CPS1: variants seen among roughly 807,000 people sequenced by gnomAD.
CPS1 encodes carbamoyl-phosphate synthase [ammonia], mitochondrial.
CPS1 carries 109 observed loss-of-function variants against 174.6 expected under a neutral mutation model. That is an observed-to-expected ratio of 0.62 (90% CI 0.53 to 0.73). The LOEUF is 0.73. Among genes scored for constraint, CPS1 ranks in the 30% least tolerant of loss-of-function variants. The pLI is 0.00. For missense variants in CPS1, 1,689 were observed against 1,821.9 expected (o/e 0.93, Z 1.33); for synonymous variants, 637 against 632.0 (o/e 1.01, Z -0.12).
intron 34 of CPS1, chr2:210,672,469 T>G (rs924639258): frequency 6.6e-6 from 1 of 152,166 alleles, no homozygotes; most frequent in African/African-American, 2.4e-5. Flanking sequence ...GGAAGTTCAT[T>G]TTGGACATTT....
chr2:210,613,246 T>C (rs547454823), intron 20 of CPS1, among the ~76,000 whole-genome samples: 3 of 152,112 alleles, frequency 2.0e-5, no homozygotes, highest in African/African-American at 7.2e-5. Flanking sequence ...GCAACTTTTA[T>C]GTCCATATTT....
chr2:210,544,974 T>G (rs1696524314), intron 1 of CPS1, among the ~76,000 whole-genome samples: 1 of 152,010 alleles, frequency 6.6e-6, no homozygotes, highest in Admixed American at 6.6e-5. Context: ...TATTACAGTA[T>G]GACCTGTCTC....
At position 210,645,203 on chromosome 2, in the gene CPS1, C is replaced by T. The variant is rs1203488573; in HGVS notation, c.3141+2538C>T. 2.0e-5 allele frequency among the ~76,000 whole-genome samples: 3 copies of T among 152,200 alleles called. No individual in the cohort carries two copies. The East Asian group carries it at 5.8e-4, about 29-fold the overall frequency. Reference sequence around the variant, plus strand: ...CTTTTGCCCTGTGGGAAAACCTGCACGACACCATCACACTGTTACTCTAAA... The same window carrying T: ...CTTTTGCCCTGTGGGAAAACCTGCATGACACCATCACACTGTTACTCTAAA... On this transcript the variant is annotated intron_variant, in intron 25 of 37. Transcript: ENST00000233072.
chr2:210,608,278 T>A, intron 18 of CPS1, 83 bp from the exon 19 acceptor site: 2 of 1,345,542 alleles, frequency 1.5e-6, no homozygotes, highest in African/African-American at 1.4e-5. Flanking sequence ...ATACCAGAAA[T>A]TTTAAGAAAG....
rs150963809 is a variant in CPS1, at chr2:210,563,040, T to C, written c.126+6181T>C. Among the ~76,000 whole-genome samples, 27 of 152,290 alleles carry C rather than the reference T, an allele frequency of 1.8e-4. No homozygotes were observed. In the East Asian group the frequency reaches 5.2e-3, roughly 29 times the overall value. On this transcript the variant is annotated intron_variant, in intron 1 of 37. Transcript: ENST00000233072. ...GTTAAAACAAGGACACATGGATGCC[T>C]GTTTTTGTACGTAAAACAAAATATA...
chr2:210,644,388 A>G (rs1020615759), intron 25 of CPS1, among the ~76,000 whole-genome samples: 4 of 152,140 alleles, frequency 2.6e-5, no homozygotes, highest in Non-Finnish European at 5.9e-5. Context: ...AAAACCCATT[A>G]GAGAATGCAT....
intron 15 of CPS1, 152 bp from the exon 16 acceptor site, chr2:210,602,050 C>G: frequency 1.2e-6 from 1 of 864,676 alleles, no homozygotes; most frequent in Non-Finnish European, 1.9e-6. Flanking sequence ...ACAACACTTG[C>G]TTTTCAGAAT....
chr2:210,518,593 T>C (rs1395895379), intron 1 of CPS1, among the ~76,000 whole-genome samples: 1 of 152,058 alleles, frequency 6.6e-6, no homozygotes, highest in Non-Finnish European at 1.5e-5. Flanking sequence ...ATGTTGGACC[T>C]TGGGAAAGGA....
At chr2:210,567,213 A>T (rs1697332381) in intron 1 of CPS1, among the ~76,000 whole-genome samples, 1 of 152,126 alleles carries the variant, frequency 6.6e-6, no homozygotes, top group South Asian at 2.1e-4. Context: ...TTAACATTTG[A>T]ACTCACACTA....
chr2:210,627,850 C>G (rs1003051895), intron 21 of CPS1, among the ~76,000 whole-genome samples: 42 of 152,284 alleles, frequency 2.8e-4, no homozygotes, highest in African/African-American at 9.9e-4. Context: ...TCTCTTCTTT[C>G]TCTTCCTCTT....
At chr2:210,609,052 C>G (rs578231895) in intron 19 of CPS1, among the ~76,000 whole-genome samples, 17 of 152,034 alleles carry the variant, frequency 1.1e-4, no homozygotes, top group African/African-American at 3.9e-4. Context: ...TAGTTCATCT[C>G]TCAGGATCCT....
At chr2:210,491,307 GTTTTTTTTTTTTTT>G (rs66825517) in intron 1 of CPS1, among the ~76,000 whole-genome samples, 15 of 50,354 alleles carry the variant, frequency 3.0e-4, no homozygotes, top group East Asian at 6.8e-4. Flanking sequence ...TGGTATCTGT[GTTTTTTTTTTTTTT>G]TTTTTTTTTT....
intron 19 of CPS1, among the ~76,000 whole-genome samples, chr2:210,610,270 G>A (rs1437822055): frequency 6.6e-6 from 1 of 151,752 alleles, no homozygotes; most frequent in Admixed American, 6.6e-5. Context: ...TTTTCATTTG[G>A]GGCTTCTTAT....
At chr2:210,658,276 A>G (rs1225435770) in intron 30 of CPS1, 2 of 343,576 alleles carry the variant, frequency 5.8e-6, no homozygotes, top group Non-Finnish European at 1.1e-5. Context: ...TTCTGGTGCT[A>G]AGGCAACTAG....
intron 28 of CPS1, among the ~76,000 whole-genome samples, chr2:210,652,512 A>G (rs1402927066): frequency 6.6e-6 from 1 of 152,164 alleles, no homozygotes. Context: ...TAGTGAATGA[A>G]TGGAGGTGGA....
In CPS1 at chr2:210,512,762, A is replaced by G. The variant is rs1695534711; in HGVS notation, c.3+34996A>G. 1.7e-5 allele frequency among the ~76,000 whole-genome samples: 2 copies of G among 118,088 alleles called. 1 individual carries two copies. The highest frequency in any genetic ancestry group is 1.8e-4 in the Admixed American group (2 of 11,260). 77.5% of individuals were successfully genotyped at this position (118,088 alleles called of 152,430 possible). On this transcript the variant is annotated intron_variant, in intron 1 of 38. Transcript: ENST00000430249. ...TATATATATATATATATATATATAT[A>G]TATATATATATATATATATATATGG...
rs758061895 is a variant in CPS1, at chr2:210,647,862, G to C, written c.3142-1G>C. 1 of 1,613,900 alleles carries C rather than the reference G, an allele frequency of 6.2e-7. No individual in the cohort carries two copies. The highest frequency in any genetic ancestry group is 2.2e-5 in the East Asian group (1 of 44,876). ...GCTGATATTGTGAGTGTATTTTCCA[G>C]GCATGTGGTGGCTGCATCATATCAG... On this transcript the variant is annotated splice_acceptor_variant, in intron 25 of 37. Coordinates refer to ENST00000233072, the MANE Select transcript of CPS1 (RefSeq NM_001875.5). LOFTEE classifies it high-confidence loss of function.
At chr2:210,644,367 T>C (rs1171517630) in intron 25 of CPS1, among the ~76,000 whole-genome samples, 1 of 152,096 alleles carries the variant, frequency 6.6e-6, no homozygotes, top group Non-Finnish European at 1.5e-5. Context: ...AGACATTAAT[T>C]AGTGATAGGC....
chr2:210,564,973 C>T (rs199516684), intron 1 of CPS1, among the ~76,000 whole-genome samples: 95 of 149,680 alleles, frequency 6.3e-4, no homozygotes, highest in East Asian at 4.0e-3. Flanking sequence ...CCAGCTTGGT[C>T]GACAGAGAGA....
Sources: allele counts gnomAD v4.1 joint callset (sites outside exome capture counted in the v4.1 genomes callset), GRCh38; gene constraint gnomAD v4.1.1; transcripts MANE v1.5; gene names NCBI Gene and HGNC (gene_info 2026-07-23, HGNC 2026-07-21).